Variants in SLC36A2 observed in about 807,000 individuals in gnomAD.
SLC36A2 encodes the protein solute carrier family 36 member 2, also known as proton-coupled amino acid transporter 2.
A neutral mutation model predicts 42.7 loss-of-function variants in SLC36A2; 39 were observed. That is an observed-to-expected ratio of 0.91 (90% CI 0.71 to 1.19). SLC36A2 has a LOEUF of 1.19. Among genes scored for constraint, SLC36A2 ranks in the 50% most tolerant of loss-of-function variants. The pLI, the probability that SLC36A2 is intolerant of heterozygous loss-of-function variation, is 0.00. For synonymous variants in SLC36A2, 237 were observed against 240.8 expected (o/e 0.98, Z 0.15); for missense variants, 590 against 613.7 (o/e 0.96, Z 0.41).
In SLC36A2 at chr5:151,335,481, T is replaced by TG. The variant is rs766150412; in HGVS notation, c.591dup (p.Thr198HisfsTer80). The TG allele has an allele frequency of 1.2e-6, 2 of 1,613,862 alleles. No individual in the cohort carries two copies. Among genetic ancestry groups the TG allele is most frequent in the Non-Finnish European group, 1.7e-6 (2 of 1,179,960 alleles). On this transcript the variant is annotated frameshift_variant, in exon 6 of 10. Coordinates refer to ENST00000335244, the MANE Select transcript of SLC36A2 (RefSeq NM_181776.3). LOFTEE classifies it high-confidence loss of function. ...AGCATGTAGAGTCGCGAGTCCATGG[T>TG]GGGGGTCAGAATCACCGTCTCATTG...
chr5:151,344,550 C>G (rs1012164316), intron 1 of SLC36A2, among the ~76,000 whole-genome samples: 5 of 152,186 alleles, frequency 3.3e-5, no homozygotes, highest in Non-Finnish European at 7.3e-5. Context: ...ATTTAATCTT[C>G]TAGTCAAGGC....
Position 151,346,480 on chromosome 5 carries a change from A to G in SLC36A2, c.164+817T>C, listed in dbSNP as rs78905482. On this transcript the variant is annotated intron_variant, in intron 1 of 9. Transcript: ENST00000335244. Reference sequence around the variant, plus strand: ...CTGCCACCTGTTTTGCATGTCAGAAAACTGGAACTTAGAGAAGGAGCAGAG... The same window carrying G: ...CTGCCACCTGTTTTGCATGTCAGAAGACTGGAACTTAGAGAAGGAGCAGAG... Among the ~76,000 whole-genome samples, 594 of 152,078 alleles carry G rather than the reference A, an allele frequency of 3.9e-3. 9 individuals are homozygous for G. The highest frequency in any genetic ancestry group is 0.013 in the African/African-American group (546 of 41,494).
intron 6 of SLC36A2, among the ~76,000 whole-genome samples, chr5:151,334,710 T>A (rs1293138203): frequency 6.6e-6 from 1 of 151,898 alleles, no homozygotes; most frequent in Admixed American, 6.6e-5. Flanking sequence ...AATAAGTAAG[T>A]AAATAAATAA....
At chr5:151,343,051 A>T (rs1756392725) in intron 3 of SLC36A2, 68 bp from the exon 4 acceptor site, 28 of 1,277,392 alleles carry the variant, frequency 2.2e-5, no homozygotes, top group Non-Finnish European at 3.2e-5. Flanking sequence ...GTCAAAAGTC[A>T]GGAGACACAG....
intron 7 of SLC36A2, among the ~76,000 whole-genome samples, chr5:151,331,257 A>C (rs1288334356): frequency 1.3e-5 from 2 of 152,182 alleles, no homozygotes; most frequent in African/African-American, 4.8e-5. Context: ...ACTCTGAGGT[A>C]AATCTCTATG....
At chr5:151,343,094 A>T in intron 3 of SLC36A2, 111 bp from the exon 4 acceptor site, 1 of 863,564 alleles carries the variant, frequency 1.2e-6, no homozygotes, top group South Asian at 1.4e-5. Context: ...GAGCAGAAAG[A>T]ACACAGGGGC....
chr5:151,334,534 T>C (rs1362767139), intron 6 of SLC36A2, among the ~76,000 whole-genome samples: 2 of 151,962 alleles, frequency 1.3e-5, no homozygotes, highest in Non-Finnish European at 2.9e-5. Context: ...CTACTAAAAA[T>C]ACAAAAATTA....
intron 4 of SLC36A2, among the ~76,000 whole-genome samples, chr5:151,340,900 T>A (rs981902321): frequency 6.6e-6 from 1 of 152,192 alleles, no homozygotes; most frequent in African/African-American, 2.4e-5. Flanking sequence ...TTATGACACA[T>A]TGTAGGTATT....
intron 5 of SLC36A2, among the ~76,000 whole-genome samples, chr5:151,337,245 C>T (rs1173686283): frequency 6.6e-6 from 1 of 152,152 alleles, no homozygotes; most frequent in Non-Finnish European, 1.5e-5. Flanking sequence ...TCCTGCCTCC[C>T]GGTTTTCACT....
At chr5:151,332,648 C>A in intron 7 of SLC36A2, 1 of 248,482 alleles carries the variant, frequency 4.0e-6, no homozygotes, top group South Asian at 4.7e-5. Context: ...ATATATGTGA[C>A]ATTTTGGAAA....
rs775918246 is a variant in SLC36A2 at position 151,319,192 on chromosome 5, G to A, written c.1181-2104C>T. 3 of 899,624 alleles carry A rather than the reference G, an allele frequency of 3.3e-6. No homozygotes were observed. The African/African-American group carries it at 5.4e-5, about 16-fold the overall frequency. The allele number at this position is 899,624 out of a possible 1,614,324, so 55.7% of individuals were successfully genotyped here. On this transcript the variant is annotated intron_variant, in intron 9 of 9. Transcript: ENST00000335244. ...AAAGTTATCTTTGCTATTACTCCAA[G>A]TTATTTACTCATACATGCTAATTGA...
chr5:151,320,795 A>G (rs1755664436), intron 9 of SLC36A2, among the ~76,000 whole-genome samples: 2 of 152,208 alleles, frequency 1.3e-5, no homozygotes, highest in Admixed American at 6.5e-5. Flanking sequence ...CTGCATTTGT[A>G]TGGAGATTGC....
chr5:151,328,428 C>T (rs943441405), intron 7 of SLC36A2, among the ~76,000 whole-genome samples: 4 of 152,282 alleles, frequency 2.6e-5, no homozygotes, highest in Admixed American at 6.5e-5. Flanking sequence ...TAGAACTATG[C>T]GGTGCATACA....
intron 7 of SLC36A2, 104 bp downstream of exon 7, chr5:151,333,120 C>T: frequency 9.3e-7 from 1 of 1,076,752 alleles, no homozygotes; most frequent in South Asian, 1.3e-5. Flanking sequence ...TCTAGCAGGC[C>T]CAAAACAATG....
intron 1 of SLC36A2, 29 bp from the exon 2 acceptor site, chr5:151,344,296 T>C (rs1756432874): frequency 6.3e-7 from 1 of 1,580,292 alleles, no homozygotes; most frequent in Non-Finnish European, 8.7e-7. Flanking sequence ...ATGTGAAGTA[T>C]GGGTGTGTGG....
intron 5 of SLC36A2, chr5:151,338,533 A>G (rs1178356033): frequency 6.5e-6 from 1 of 154,258 alleles, no homozygotes; most frequent in Non-Finnish European, 1.4e-5. Flanking sequence ...AAAATTAGCC[A>G]GACATGGTAG....
chr5:151,344,453 C>G (rs1756438674), intron 1 of SLC36A2, among the ~76,000 whole-genome samples, 186 bp from the exon 2 acceptor site: 1 of 152,184 alleles, frequency 6.6e-6, no homozygotes, highest in African/African-American at 2.4e-5. Flanking sequence ...CCAGAACTGT[C>G]CTGGTTTTAG....
intron 5 of SLC36A2, among the ~76,000 whole-genome samples, chr5:151,335,790 A>G (rs1756138393): frequency 6.6e-6 from 1 of 152,108 alleles, no homozygotes; most frequent in East Asian, 1.9e-4. Context: ...GCACTTTGGG[A>G]GGCCGAGGCA....
At chr5:151,340,308 CGAGGAGGAG>C (rs1002313706) in intron 4 of SLC36A2, among the ~76,000 whole-genome samples, 5 of 148,368 alleles carry the variant, frequency 3.4e-5, no homozygotes, top group Admixed American at 3.4e-4. Flanking sequence ...AAGAAGAAGA[CGAGGAGGAG>C]GAGGAGGACA....
Sources: allele counts gnomAD v4.1 joint callset (sites outside exome capture counted in the v4.1 genomes callset), GRCh38; gene constraint gnomAD v4.1.1; transcripts MANE v1.5; gene names NCBI Gene and HGNC (gene_info 2026-07-23, HGNC 2026-07-21).